Variants in BMAL1 observed in about 807,000 individuals in gnomAD.
BMAL1 encodes the protein basic helix-loop-helix ARNT like 1, also known as basic helix-loop-helix ARNT-like protein 1.
chr11:13,385,968 G>A, the BMAL1 span, among the ~76,000 whole-genome samples: 2 of 152,164 alleles, frequency 1.3e-5, no homozygotes, highest in African/African-American at 2.4e-5. Flanking sequence ...TTTGAGTTTT[G>A]GTGGAGGTCC....
chr11:13,348,186 T>G, the BMAL1 span, among the ~76,000 whole-genome samples: 1 of 152,012 alleles, frequency 6.6e-6, no homozygotes, highest in African/African-American at 2.4e-5. Context: ...GACTGGGTGG[T>G]TGAAAGGAGC....
At chr11:13,307,417 G>T in the BMAL1 span, among the ~76,000 whole-genome samples, 1 of 152,300 alleles carries the variant, frequency 6.6e-6, no homozygotes, top group Admixed American at 6.5e-5. Flanking sequence ...GACTTACTTT[G>T]TTTGCACTTC....
chr11:13,325,040 C>A, the BMAL1 span, among the ~76,000 whole-genome samples: 1 of 152,188 alleles, frequency 6.6e-6, no homozygotes, highest in Non-Finnish European at 1.5e-5. Context: ...GGACAGATGA[C>A]AGGACCTGAA....
the BMAL1 span, among the ~76,000 whole-genome samples, chr11:13,292,457 G>C: frequency 1.3e-5 from 2 of 151,674 alleles, no homozygotes; most frequent in Non-Finnish European, 2.9e-5. Flanking sequence ...TGAGGCAGGA[G>C]AATGGCGTGA....
the BMAL1 span, among the ~76,000 whole-genome samples, chr11:13,308,235 G>A: frequency 6.6e-6 from 1 of 152,194 alleles, no homozygotes; most frequent in African/African-American, 2.4e-5. Context: ...CGGACACAAC[G>A]CTGGGAGGAG....
chr11:13,365,322 A>ACAC, the BMAL1 span: 9 of 309,472 alleles, frequency 2.9e-5, no homozygotes, highest in South Asian at 6.9e-5. Context: ...CACACACACA[A>ACAC]TCTTACAGTT....
chr11:13,348,109 A>G, the BMAL1 span, among the ~76,000 whole-genome samples: 2 of 152,216 alleles, frequency 1.3e-5, no homozygotes, highest in Non-Finnish European at 2.9e-5. Context: ...GAGAGGATAC[A>G]GCTCTGAAGG....
the BMAL1 span, among the ~76,000 whole-genome samples, chr11:13,286,295 T>A: frequency 6.6e-6 from 1 of 152,202 alleles, no homozygotes; most frequent in Non-Finnish European, 1.5e-5. Context: ...TGTTAAAGTT[T>A]TATAGAAGGG....
chr11:13,329,783 T>C, the BMAL1 span, among the ~76,000 whole-genome samples: 1 of 151,806 alleles, frequency 6.6e-6, no homozygotes, highest in African/African-American at 2.4e-5. Flanking sequence ...TGGGGTACGG[T>C]ACGGATTTTT....
chr11:13,360,854 A>G, the BMAL1 span, among the ~76,000 whole-genome samples: 26 of 152,230 alleles, frequency 1.7e-4, no homozygotes, highest in Admixed American at 5.9e-4. Context: ...ACTGTGGCTC[A>G]CGCCTATAAT....
the BMAL1 span, among the ~76,000 whole-genome samples, chr11:13,295,519 G>C: frequency 6.6e-6 from 1 of 152,066 alleles, no homozygotes; most frequent in Non-Finnish European, 1.5e-5. Context: ...TTTCTGGTGG[G>C]AAGGGAGGAG....
the BMAL1 span, chr11:13,277,009 C>T: frequency 4.6e-5 from 7 of 152,264 alleles, no homozygotes; most frequent in African/African-American, 1.7e-4. Context: ...CGAGTATTCT[C>T]TTTGGAACTA....
At chr11:13,334,163 G>A in the BMAL1 span, among the ~76,000 whole-genome samples, 10 of 152,126 alleles carry the variant, frequency 6.6e-5, no homozygotes, top group African/African-American at 2.4e-4. Flanking sequence ...ATCTTGTCCC[G>A]AGCCATGCAG....
At chr11:13,347,302 G>A in the BMAL1 span, among the ~76,000 whole-genome samples, 2 of 152,102 alleles carry the variant, frequency 1.3e-5, no homozygotes, top group Non-Finnish European at 2.9e-5. Flanking sequence ...GATCACTTGA[G>A]GCCAGGAGTT....
chr11:13,327,392 T>C, the BMAL1 span, among the ~76,000 whole-genome samples: 19 of 152,294 alleles, frequency 1.2e-4, no homozygotes, highest in Admixed American at 3.9e-4. Flanking sequence ...AAGCCACAGA[T>C]TGAGTCTGTA....
the BMAL1 span, among the ~76,000 whole-genome samples, chr11:13,292,495 C>A: frequency 3.3e-5 from 5 of 150,920 alleles, no homozygotes; most frequent in Non-Finnish European, 5.9e-5. Context: ...TGCAGTGAGC[C>A]GAGATCGCGC....
chr11:13,314,946 C>T, the BMAL1 span, among the ~76,000 whole-genome samples: 1 of 152,186 alleles, frequency 6.6e-6, no homozygotes, highest in Non-Finnish European at 1.5e-5. Flanking sequence ...GCACAATGCA[C>T]CTAGCCAATA....
chr11:13,324,046 G>A, the BMAL1 span, among the ~76,000 whole-genome samples: 61,700 of 151,962 alleles, frequency 0.41, 12,570 homozygotes, highest in East Asian at 0.57. Context: ...AAACATTGCA[G>A]TTCTTGACAA....
At chr11:13,295,290 C>T in the BMAL1 span, among the ~76,000 whole-genome samples, 6 of 151,756 alleles carry the variant, frequency 4.0e-5, no homozygotes, top group Non-Finnish European at 2.9e-5. Flanking sequence ...ATGGGAGTTT[C>T]ATTCTAGTGG....
Sources: gnomAD v4.1 joint callset for allele counts (sites outside exome capture counted in the v4.1 genomes callset) on GRCh38, gnomAD v4.1.1 for gene constraint, MANE v1.5 for transcripts, NCBI Gene and HGNC (gene_info 2026-07-23, HGNC 2026-07-21) for gene names.